The following BLTP1 variants were observed in gnomAD, a reference collection of about 807,000 sequenced individuals.
BLTP1 encodes the protein fragile site-associated protein.
At chr4:122,350,842 T>C in the BLTP1 span, among the ~76,000 whole-genome samples, 1 of 152,158 alleles carries the variant, frequency 6.6e-6, no homozygotes, top group Non-Finnish European at 1.5e-5. Flanking sequence ...AGGTTGCCAC[T>C]GTGGCTGGAA....
the BLTP1 span, chr4:122,355,795 G>T: frequency 6.3e-7 from 1 of 1,592,494 alleles, no homozygotes; most frequent in Non-Finnish European, 8.6e-7. Context: ...TATGCATGTA[G>T]AGCTAAATCT....
At chr4:122,208,743 A>C in the BLTP1 span, 1 of 803,790 alleles carries the variant, frequency 1.2e-6, no homozygotes, top group Non-Finnish European at 1.5e-6. Flanking sequence ...CTGACTGTCG[A>C]ATGCAAAATC....
chr4:122,340,329 T>G, the BLTP1 span, among the ~76,000 whole-genome samples: 1 of 151,924 alleles, frequency 6.6e-6, no homozygotes, highest in South Asian at 2.1e-4. Context: ...AAAAATAAAA[T>G]CCCAAATTCC....
At chr4:122,288,995 T>C in the BLTP1 span, 2 of 1,325,206 alleles carry the variant, frequency 1.5e-6, no homozygotes, top group Non-Finnish European at 2.0e-6. Flanking sequence ...GAGATAATTA[T>C]CTCTTTTTTC....
the BLTP1 span, among the ~76,000 whole-genome samples, chr4:122,266,477 G>A: frequency 1.3e-5 from 2 of 152,054 alleles, no homozygotes; most frequent in Non-Finnish European, 2.9e-5. Context: ...GCAAGAGGTA[G>A]AATGATTTAA....
chr4:122,189,552 G>A, the BLTP1 span: 9 of 774,660 alleles, frequency 1.2e-5, no homozygotes, highest in Non-Finnish European at 1.4e-5. Context: ...TAGATAAAAT[G>A]ATACTTATTA....
chr4:122,259,747 C>G, the BLTP1 span: 2 of 154,850 alleles, frequency 1.3e-5, no homozygotes, highest in African/African-American at 4.8e-5. Flanking sequence ...GTAATCCCAG[C>G]TACTCGGGAG....
the BLTP1 span, among the ~76,000 whole-genome samples, chr4:122,317,192 C>T: frequency 2.0e-5 from 3 of 151,878 alleles, no homozygotes; most frequent in African/African-American, 7.3e-5. Flanking sequence ...ATTAGCTGGG[C>T]GTGGTGGTAC....
At chr4:122,189,370 T>TCG in the BLTP1 span, 1 of 982,796 alleles carries the variant, frequency 1.0e-6, no homozygotes, top group Admixed American at 6.2e-5. Context: ...TAATGGTTTC[T>TCG]GGGAAATTAT....
chr4:122,185,720 G>T, the BLTP1 span, among the ~76,000 whole-genome samples: 1 of 151,810 alleles, frequency 6.6e-6, no homozygotes, highest in African/African-American at 2.4e-5. Context: ...GATATATTAG[G>T]GTAAAGGTGT....
the BLTP1 span, chr4:122,174,714 A>T: frequency 8.1e-7 from 1 of 1,233,060 alleles, no homozygotes; most frequent in Non-Finnish European, 1.1e-6. Flanking sequence ...TATTGTTAAA[A>T]TGTTTTATGA....
At chr4:122,336,784 A>C in the BLTP1 span, 7 of 1,345,052 alleles carry the variant, frequency 5.2e-6, no homozygotes, top group East Asian at 1.8e-4. Context: ...CCGGGTGTTC[A>C]TACCTTTCAT....
the BLTP1 span, chr4:122,263,461 T>C: frequency 6.2e-7 from 1 of 1,606,522 alleles, no homozygotes; most frequent in Admixed American, 1.7e-5. Flanking sequence ...TAGCCACTGA[T>C]ATGTTATCTG....
chr4:122,194,084 G>A, the BLTP1 span, among the ~76,000 whole-genome samples: 2 of 152,018 alleles, frequency 1.3e-5, no homozygotes, highest in Admixed American at 6.6e-5. Context: ...GGATGGTCTC[G>A]ATCTCCTGAC....
chr4:122,245,755 A>G, the BLTP1 span, among the ~76,000 whole-genome samples: 1 of 152,114 alleles, frequency 6.6e-6, no homozygotes, highest in African/African-American at 2.4e-5. Context: ...TTTATTTAAT[A>G]TATATTGGCA....
At chr4:122,196,738 C>T in the BLTP1 span, 7 of 1,609,426 alleles carry the variant, frequency 4.3e-6, no homozygotes, top group South Asian at 1.1e-5. Context: ...TTTTGAATTA[C>T]GAATGAATAT....
chr4:122,329,421 AT>A, the BLTP1 span, among the ~76,000 whole-genome samples: 5 of 151,386 alleles, frequency 3.3e-5, no homozygotes, highest in Admixed American at 2.6e-4. Context: ...ATTATATTTA[AT>A]TTCATGGTGG....
the BLTP1 span, chr4:122,315,650 G>A: frequency 1.9e-6 from 3 of 1,614,058 alleles, no homozygotes; most frequent in African/African-American, 2.7e-5. Flanking sequence ...CCTGTCAGAT[G>A]AGGATGAAGT....
chr4:122,273,971 G>A, the BLTP1 span, among the ~76,000 whole-genome samples: 1 of 151,936 alleles, frequency 6.6e-6, no homozygotes, highest in East Asian at 1.9e-4. Context: ...GACCAAGAGT[G>A]CTGGTTTATG....
Sources: gnomAD v4.1 joint callset for allele counts (sites outside exome capture counted in the v4.1 genomes callset) on GRCh38, gnomAD v4.1.1 for gene constraint, MANE v1.5 for transcripts, NCBI Gene and HGNC (gene_info 2026-07-23, HGNC 2026-07-21) for gene names.